IRF2: variants seen among roughly 807,000 people sequenced by gnomAD.
IRF2 encodes interferon regulatory factor 2.
In IRF2, 15 loss-of-function variants were observed where a neutral mutation model predicts 40.6. That is an observed-to-expected ratio of 0.37 (90% CI 0.25 to 0.57). The LOEUF is 0.57. IRF2 is among the 20% of genes least tolerant of loss of function. The pLI is 0.77. For synonymous variants in IRF2, 151 were observed against 165.5 expected (o/e 0.91, Z 0.67); for missense variants, 317 against 455.7 (o/e 0.70, Z 2.77).
rs1365393750 is a variant in IRF2, at chr4:184,388,679, A to C, written c.*79T>G. ...CTTAGATTTGTCTAAAATAGGTGTC[A>C]GAGAGAAAAAAATAAAATACAAACA... On this transcript the variant is annotated 3_prime_UTR_variant, in exon 9 of 9. Coordinates refer to ENST00000393593, the MANE Select transcript of IRF2 (RefSeq NM_002199.4). The surrounding 1 kb of genome is among the most constrained non-coding windows in gnomAD (Gnocchi z 4.6). 2 of 1,427,204 alleles carry C rather than the reference A, an allele frequency of 1.4e-6. No homozygotes were observed. The highest frequency in any genetic ancestry group is 1.9e-6 in the Non-Finnish European group (2 of 1,042,608). 88.4% of individuals were successfully genotyped at this position (1,427,204 alleles called of 1,614,324 possible).
intron 5 of IRF2, among the ~76,000 whole-genome samples, chr4:184,416,073 A>G (rs1737255319): frequency 6.6e-6 from 1 of 152,206 alleles, no homozygotes; most frequent in Non-Finnish European, 1.5e-5. Context: ...CATTTTGGGA[A>G]GCCGAGGCAA....
intron 1 of IRF2, among the ~76,000 whole-genome samples, chr4:184,430,702 CT>C (rs761417772): frequency 2.0e-5 from 3 of 151,822 alleles, no homozygotes; most frequent in South Asian, 2.1e-4. Context: ...AGAGCATCAC[CT>C]TTTTTTTCTG....
chr4:184,399,103 T>C (rs758338927), intron 6 of IRF2, 24 bp from the exon 7 acceptor site: 52 of 1,564,422 alleles, frequency 3.3e-5, no homozygotes, highest in Non-Finnish European at 4.3e-5. Context: ...ACAGCCATCA[T>C]GCAAAGTCTG....
intron 1 of IRF2, among the ~76,000 whole-genome samples, chr4:184,455,799 C>T (rs972728535): frequency 2.0e-5 from 3 of 152,132 alleles, no homozygotes; most frequent in Admixed American, 2.0e-4. Flanking sequence ...CGGGTGAATC[C>T]GGCTAAGGAT....
intron 5 of IRF2, among the ~76,000 whole-genome samples, chr4:184,414,150 G>A (rs1737178863): frequency 6.6e-6 from 1 of 152,234 alleles, no homozygotes; most frequent in Non-Finnish European, 1.5e-5. Context: ...GGAGAACTCA[G>A]TGAGACAAAA....
rs1369461643 is a variant in IRF2, at chr4:184,448,504, CG to C, written c.-6-19435del. ...ATAAGACGGCCAAAGAGCTCTCGTG[CG>C]TATTTGAGAGAAAAGCGCTCAGATT... On this transcript the variant is annotated intron_variant, in intron 1 of 8. Transcript: ENST00000393593. The surrounding 1 kb of genome is among the most constrained non-coding windows in gnomAD (Gnocchi z 4.3). 2.6e-5 allele frequency among the ~76,000 whole-genome samples: 4 copies of C among 152,126 alleles called. No individual in the cohort carries two copies. The highest frequency in any genetic ancestry group is 5.9e-5 in the Non-Finnish European group (4 of 68,030).
chr4:184,422,403 T>C (rs1238433778), intron 2 of IRF2, among the ~76,000 whole-genome samples: 1 of 152,162 alleles, frequency 6.6e-6, no homozygotes, highest in African/African-American at 2.4e-5. Flanking sequence ...AAACACAGAA[T>C]TACCTGATGA....
intron 6 of IRF2, among the ~76,000 whole-genome samples, chr4:184,402,502 A>G (rs183152491): frequency 6.6e-5 from 10 of 152,238 alleles, no homozygotes; most frequent in South Asian, 4.2e-4. Flanking sequence ...GAGTTGGTCA[A>G]TGGCATCTCT....
intron 6 of IRF2, 83 bp from the exon 7 acceptor site, chr4:184,399,162 A>C: frequency 3.5e-6 from 5 of 1,412,026 alleles, no homozygotes; most frequent in African/African-American, 1.4e-5. Context: ...TCTTCCCCAA[A>C]AGAGCCAGGT....
chr4:184,441,090 C>T (rs1738287872), intron 1 of IRF2, among the ~76,000 whole-genome samples: 1 of 152,234 alleles, frequency 6.6e-6, no homozygotes, highest in Admixed American at 6.5e-5. Flanking sequence ...AGTCATAAAA[C>T]TCACTGCCTC....
rs548244992 is a variant in IRF2, at chr4:184,393,566, G to A, written c.695-2817C>T. Among the ~76,000 whole-genome samples the A allele has an allele frequency of 5.9e-5, 9 of 152,350 alleles. No individual in the cohort carries two copies. In the East Asian group the frequency reaches 9.6e-4, roughly 16 times the overall value. ...CCTTGCACCGCCCATGAATGTGACC[G>A]GGATGCTAACTTCCTTTAAGTACCC... On this transcript the variant is annotated intron_variant, in intron 7 of 8. Coordinates refer to ENST00000393593, the MANE Select transcript of IRF2 (RefSeq NM_002199.4).
chr4:184,461,683 C>T (rs1360025548), intron 1 of IRF2, among the ~76,000 whole-genome samples: 1 of 67,892 alleles, frequency 1.5e-5, no homozygotes, highest in African/African-American at 1.0e-4. Flanking sequence ...CTCCTCTACC[C>T]GCCCCCCCAC....
At chr4:184,414,062 A>C (rs1737176308) in intron 5 of IRF2, among the ~76,000 whole-genome samples, 3 of 152,250 alleles carry the variant, frequency 2.0e-5, no homozygotes. Context: ...AAAGCAATGC[A>C]GCCTTGGGAA....
At chr4:184,453,015 G>A (rs1380712235) in intron 1 of IRF2, among the ~76,000 whole-genome samples, 6 of 152,068 alleles carry the variant, frequency 3.9e-5, no homozygotes, top group East Asian at 1.9e-4. Flanking sequence ...CTAATCATGT[G>A]TGAAACATGC....
chr4:184,426,564 G>A (rs1737681775), intron 2 of IRF2, among the ~76,000 whole-genome samples: 1 of 152,124 alleles, frequency 6.6e-6, no homozygotes, highest in Non-Finnish European at 1.5e-5. Flanking sequence ...TTCCAAATGA[G>A]GTGACATCCA....
intron 6 of IRF2, among the ~76,000 whole-genome samples, chr4:184,400,242 C>T (rs143470870): frequency 1.3e-5 from 2 of 152,320 alleles, no homozygotes; most frequent in Non-Finnish European, 1.5e-5. Context: ...TCCATGACCC[C>T]TGGGCAACTA....
chr4:184,407,277 T>C (rs1736893556), intron 6 of IRF2: 2 of 1,259,712 alleles, frequency 1.6e-6, no homozygotes, highest in Non-Finnish European at 2.0e-6. Context: ...ACAACAAAAA[T>C]TCAATGCTGA....
At chr4:184,398,694 T>C (rs558640336) in intron 7 of IRF2, among the ~76,000 whole-genome samples, 3 of 151,962 alleles carry the variant, frequency 2.0e-5, no homozygotes, top group East Asian at 1.9e-4. Flanking sequence ...AAAAATGTCA[T>C]GGCCAACTGA....
intron 1 of IRF2, among the ~76,000 whole-genome samples, chr4:184,450,120 C>A (rs1447307842): frequency 6.6e-6 from 1 of 152,184 alleles, no homozygotes; most frequent in Non-Finnish European, 1.5e-5. Context: ...CAAAACACCC[C>A]GGAAAGTAAT....
Sources: allele counts gnomAD v4.1 joint callset (sites outside exome capture counted in the v4.1 genomes callset), GRCh38; gene constraint gnomAD v4.1.1; non-coding constraint Gnocchi (gnomAD v3.1); transcripts MANE v1.5; gene names NCBI Gene and HGNC (gene_info 2026-07-23, HGNC 2026-07-21).